GLIS3: variants seen among roughly 807,000 people sequenced by gnomAD.
GLIS3 encodes the protein GLIS family zinc finger 3.
GLIS3 carries 53 observed loss-of-function variants against 78.6 expected under a neutral mutation model. The observed-to-expected ratio is 0.67, with a 90% CI of 0.54 to 0.85. The LOEUF (loss-of-function observed/expected upper bound fraction) is 0.85. GLIS3 is among the 40% of genes least tolerant of loss of function. The probability of loss-of-function intolerance (pLI) is 0.00; values close to 1 mark genes in which losing one functional copy is unlikely to be tolerated. For synonymous variants in GLIS3, 684 were observed against 509.9 expected, an observed-to-expected ratio of 1.34 and a Z score of -4.60; for missense variants, 1,703 against 1,231.1, an observed-to-expected ratio of 1.38 and a Z score of -5.74.
At chr9:4,133,190 A>G (rs933327363) in intron 2 of GLIS3, among the ~76,000 whole-genome samples, 4 of 152,244 alleles carry the variant, frequency 2.6e-5, no homozygotes, top group Non-Finnish European at 5.9e-5. Flanking sequence ...CCATTTAAGA[A>G]TAAGTTGCAG....
At chr9:4,111,916 C>G (rs1029445709) in intron 4 of GLIS3, among the ~76,000 whole-genome samples, 7 of 152,206 alleles carry the variant, frequency 4.6e-5, no homozygotes, top group Non-Finnish European at 8.8e-5. Flanking sequence ...TTAATCACAT[C>G]AGGCAGATTT....
At chr9:4,133,111 T>G (rs958079673) in intron 2 of GLIS3, among the ~76,000 whole-genome samples, 1 of 152,214 alleles carries the variant, frequency 6.6e-6, no homozygotes, top group African/African-American at 2.4e-5. Context: ...TTGAAGCTCA[T>G]CGTACTATCT....
intron 2 of GLIS3, among the ~76,000 whole-genome samples, chr9:4,168,686 T>A (rs191925109): frequency 4.6e-5 from 7 of 152,342 alleles, no homozygotes; most frequent in Admixed American, 2.6e-4. Context: ...TCTGGTTTTA[T>A]GAGTGTTGTA....
rs533108054 is a variant in GLIS3, at chr9:4,196,576, C to T, written c.389-70635G>A. 1.3e-3 allele frequency among the ~76,000 whole-genome samples: 203 copies of T among 152,250 alleles called. 2 individuals are homozygous for T. The highest frequency in any genetic ancestry group is 4.7e-3 in the African/African-American group (196 of 41,544). ...ACTGAGAGGAATGAACAACTCCAGA[C>T]GCGCTGCCTTAAGAGCTGTAACACT... On this transcript the variant is annotated intron_variant, in intron 2 of 10. Coordinates refer to ENST00000381971, the MANE Select transcript of GLIS3 (RefSeq NM_001042413.2).
chr9:4,015,808 G>A (rs1396942452), intron 4 of GLIS3, among the ~76,000 whole-genome samples: 1 of 143,378 alleles, frequency 7.0e-6, no homozygotes, highest in African/African-American at 2.6e-5. Flanking sequence ...AGAACTGCTT[G>A]AACCCAGAAG....
At chr9:4,468,778 AC>A in the GLIS3 span, among the ~76,000 whole-genome samples, 244 of 152,330 alleles carry the variant, frequency 1.6e-3, no homozygotes, top group South Asian at 6.2e-3. Context: ...TCAAATTCAC[AC>A]ATAACAATAT....
At chr9:4,025,242 T>G (rs149070472) in intron 4 of GLIS3, among the ~76,000 whole-genome samples, 39 of 149,976 alleles carry the variant, frequency 2.6e-4, no homozygotes, top group Admixed American at 8.0e-4. Context: ...ACAGTGAGAC[T>G]CCGTCTCAAA....
chr9:4,321,170 C>G (rs1034340469), intron 2 of GLIS3, among the ~76,000 whole-genome samples: 2 of 151,096 alleles, frequency 1.3e-5, no homozygotes, highest in Admixed American at 1.3e-4. Context: ...CCTGTAATCC[C>G]AGCACTTTGG....
chr9:4,091,397 C>T (rs750334827), intron 4 of GLIS3, among the ~76,000 whole-genome samples: 6 of 151,796 alleles, frequency 4.0e-5, no homozygotes, highest in Admixed American at 6.6e-5. Context: ...AATAATTAAA[C>T]GTTTGTAAGA....
intron 6 of GLIS3, among the ~76,000 whole-genome samples, chr9:3,920,539 G>C (rs1296036443): frequency 6.6e-6 from 1 of 150,820 alleles, no homozygotes; most frequent in Non-Finnish European, 1.5e-5. Flanking sequence ...GGCTCCCTAT[G>C]TGTCTGAGTC....
chr9:4,410,509 T>A, the GLIS3 span, among the ~76,000 whole-genome samples: 4 of 152,344 alleles, frequency 2.6e-5, no homozygotes, highest in East Asian at 5.8e-4. Context: ...AAACATTTCA[T>A]AAGAATTTCA....
chr9:4,428,249 C>T, the GLIS3 span, among the ~76,000 whole-genome samples: 29 of 151,976 alleles, frequency 1.9e-4, no homozygotes, highest in African/African-American at 4.3e-4. Context: ...GAGGTTGAGG[C>T]GGGCGGATCA....
the GLIS3 span, among the ~76,000 whole-genome samples, chr9:4,423,576 G>C: frequency 6.6e-6 from 1 of 152,100 alleles, no homozygotes; most frequent in South Asian, 2.1e-4. Context: ...CTCTCTAGCA[G>C]CTATTAAACA....
intron 9 of GLIS3, among the ~76,000 whole-genome samples, chr9:3,844,013 T>C (rs1224187253): frequency 6.6e-6 from 1 of 152,162 alleles, no homozygotes; most frequent in East Asian, 1.9e-4. Flanking sequence ...AACAATCTGG[T>C]TAGAGAGGGG....
At chr9:3,994,854 A>G (rs1251122631) in intron 4 of GLIS3, among the ~76,000 whole-genome samples, 1 of 152,222 alleles carries the variant, frequency 6.6e-6, no homozygotes, top group African/African-American at 2.4e-5. Flanking sequence ...CTCTTTTTTA[A>G]TGCATGGCTG....
chr9:4,162,110 G>A (rs4741896), intron 2 of GLIS3, among the ~76,000 whole-genome samples: 89,199 of 151,780 alleles, frequency 0.59, 27,513 homozygotes, highest in East Asian at 0.82. Flanking sequence ...CCATCCCTCA[G>A]TTTATAGATA....
chr9:4,039,638 G>A (rs773705810), intron 4 of GLIS3, among the ~76,000 whole-genome samples: 4 of 152,168 alleles, frequency 2.6e-5, no homozygotes, highest in South Asian at 2.1e-4. Flanking sequence ...ACTATTTAGT[G>A]CCAAAGCCTG....
At chr9:4,240,194 G>C (rs1240669974) in intron 2 of GLIS3, among the ~76,000 whole-genome samples, 1 of 20,286 alleles carries the variant, frequency 4.9e-5, no homozygotes, top group South Asian at 1.5e-3. Flanking sequence ...TGTGGGGGAG[G>C]TGGGGGGGGG....
intron 4 of GLIS3, among the ~76,000 whole-genome samples, chr9:3,958,925 G>A (rs959642767): frequency 2.0e-5 from 3 of 152,210 alleles, no homozygotes; most frequent in Admixed American, 2.0e-4. Flanking sequence ...AGAACTTCTT[G>A]CTGGTTAACT....
Sources: gnomAD v4.1 joint callset for allele counts (sites outside exome capture counted in the v4.1 genomes callset) on GRCh38, gnomAD v4.1.1 for gene constraint, MANE v1.5 for transcripts, NCBI Gene and HGNC (gene_info 2026-07-23, HGNC 2026-07-21) for gene names.